The following SGCZ variants were observed in gnomAD, a reference collection of about 807,000 sequenced individuals.
SGCZ encodes sarcoglycan zeta, also known as zeta-sarcoglycan.
A neutral mutation model predicts 41.3 loss-of-function variants in SGCZ; 40 were observed. The ratio of observed to expected loss-of-function variants is 0.97; its 90% CI spans 0.75 to 1.26. The LOEUF is 1.26. SGCZ is among the 50% of genes most tolerant of loss of function. The pLI, the probability that SGCZ is intolerant of heterozygous loss-of-function variation, is 0.00. For missense variants in SGCZ, 552 were observed against 369.8 expected, an observed-to-expected ratio of 1.49 and a Z score of -4.04; for synonymous variants, 206 against 137.5, an observed-to-expected ratio of 1.50 and a Z score of -3.49.
intron 3 of SGCZ, among the ~76,000 whole-genome samples, chr8:14,263,558 G>T (rs1001408410): frequency 1.3e-5 from 2 of 151,828 alleles, no homozygotes; most frequent in Admixed American, 6.6e-5. Flanking sequence ...CAAAAAATAC[G>T]TATATAACTA....
chr8:15,025,509 C>T (rs1803422394), intron 1 of SGCZ, among the ~76,000 whole-genome samples: 1 of 152,148 alleles, frequency 6.6e-6, no homozygotes, highest in Non-Finnish European at 1.5e-5. Context: ...AAAGAGAGTG[C>T]TAAAAAACCA....
intron 1 of SGCZ, among the ~76,000 whole-genome samples, chr8:15,004,352 A>C (rs1435337431): frequency 6.6e-6 from 1 of 152,162 alleles, no homozygotes; most frequent in East Asian, 1.9e-4. Flanking sequence ...ATAGTAAGGG[A>C]TGATCCCGCA....
rs139886350 is a variant in SGCZ, at chr8:14,700,176, T to C, written c.40-145250A>G. On this transcript the variant is annotated intron_variant, in intron 1 of 7. Coordinates refer to ENST00000382080, the MANE Select transcript of SGCZ (RefSeq NM_139167.4). ...CACTAGAACGCTCGCTGCAGCAAAA[T>C]TGACAATAATAAAGACATGAAATCA... is the stretch of plus-strand genomic sequence containing the variant. 1.9e-4 allele frequency among the ~76,000 whole-genome samples: 29 copies of C among 151,838 alleles called. No individual in the cohort carries two copies. The East Asian group carries it at 3.1e-3, about 16-fold the overall frequency.
chr8:15,101,464 T>G (rs948829619), intron 1 of SGCZ, among the ~76,000 whole-genome samples: 3 of 152,116 alleles, frequency 2.0e-5, no homozygotes, highest in Non-Finnish European at 2.9e-5. Context: ...AAGACACAGA[T>G]GGCAAATAAG....
At chr8:14,995,858 T>C (rs1244137241) in intron 1 of SGCZ, among the ~76,000 whole-genome samples, 1 of 152,160 alleles carries the variant, frequency 6.6e-6, no homozygotes, top group African/African-American at 2.4e-5. Context: ...TGTAATCCTA[T>C]GCTTTTATGG....
chr8:14,335,618 G>A (rs1297531471), intron 2 of SGCZ, among the ~76,000 whole-genome samples: 1 of 152,086 alleles, frequency 6.6e-6, no homozygotes, highest in Admixed American at 6.6e-5. Context: ...TGCCACAGGG[G>A]AATGGCATAT....
intron 3 of SGCZ, among the ~76,000 whole-genome samples, chr8:14,299,966 TA>T (rs567360144): frequency 9.3e-4 from 141 of 152,092 alleles, no homozygotes; most frequent in Non-Finnish European, 1.7e-3. Context: ...TTTCCTAAGA[TA>T]AAAAATGCAA....
chr8:14,763,540 A>G (rs369491490), intron 1 of SGCZ, among the ~76,000 whole-genome samples: 1 of 152,104 alleles, frequency 6.6e-6, no homozygotes, highest in African/African-American at 2.4e-5. Context: ...ACACTTTATT[A>G]TCGAAAGTGT....
At chr8:15,098,448 A>T (rs1354219676) in intron 1 of SGCZ, among the ~76,000 whole-genome samples, 1 of 152,184 alleles carries the variant, frequency 6.6e-6, no homozygotes, top group East Asian at 1.9e-4. Context: ...CAGCTAGAAA[A>T]GGTGGCAAAG....
At position 14,115,036 on chromosome 8, in the gene SGCZ, C is replaced by T. The variant is rs539916581; in HGVS notation, c.548-6801G>A. Among the ~76,000 whole-genome samples the T allele has an allele frequency of 1.4e-4, 21 of 151,976 alleles. No homozygotes were observed. In the South Asian group the frequency reaches 3.7e-3, roughly 27 times the overall value. The stretch of plus-strand genomic sequence containing the variant: ...TACATAAATAATCCATTTTCTAATT[C>T]CTACCTCCAAAAAAAATGAAAAAAT... On this transcript the variant is annotated intron_variant, in intron 5 of 7. Coordinates refer to ENST00000382080, the MANE Select transcript of SGCZ (RefSeq NM_139167.4).
At chr8:14,648,360 G>A (rs908921067) in intron 1 of SGCZ, among the ~76,000 whole-genome samples, 7 of 152,064 alleles carry the variant, frequency 4.6e-5, no homozygotes, top group South Asian at 2.1e-4. Flanking sequence ...AAGAAAATTC[G>A]TACTCACACA....
chr8:14,759,726 T>G (rs1799801260), intron 1 of SGCZ, among the ~76,000 whole-genome samples: 1 of 152,120 alleles, frequency 6.6e-6, no homozygotes, highest in Non-Finnish European at 1.5e-5. Context: ...AGTTAGCCAG[T>G]TGTGACAGCT....
chr8:15,184,200 A>T (rs1800263754), intron 1 of SGCZ, among the ~76,000 whole-genome samples: 1 of 152,192 alleles, frequency 6.6e-6, no homozygotes, highest in African/African-American at 2.4e-5. Context: ...TCTTCATCAT[A>T]TATACTGTCA....
chr8:15,050,202 G>A (rs1804462764), intron 1 of SGCZ, among the ~76,000 whole-genome samples: 1 of 152,086 alleles, frequency 6.6e-6, no homozygotes. Context: ...GACTCCTGAG[G>A]AATTGATGGT....
intron 1 of SGCZ, among the ~76,000 whole-genome samples, chr8:14,741,852 A>G (rs1473043641): frequency 6.6e-6 from 1 of 152,048 alleles, no homozygotes; most frequent in Non-Finnish European, 1.5e-5. Flanking sequence ...GTAGAACAGT[A>G]TCAATATCAA....
In SGCZ at chr8:14,550,559, T is replaced by A. The variant is rs181057170; in HGVS notation, c.234+4173A>T. 1.2e-4 allele frequency among the ~76,000 whole-genome samples: 18 copies of A among 151,958 alleles called. No homozygotes were observed. In the East Asian group the frequency reaches 3.5e-3, roughly 30 times the overall value. ...GGCTGTACTACTGCTATGTGTGGGG[T>A]CTAAATGCAGGATCCGCTGGGAATT... is the stretch of plus-strand genomic sequence containing the variant. On this transcript the variant is annotated intron_variant, in intron 2 of 7. Transcript: ENST00000382080.
Position 14,269,709 on chromosome 8 carries a change from T to C in SGCZ, c.337-32030A>G, listed in dbSNP as rs187319786. Among the ~76,000 whole-genome samples, 169 of 152,242 alleles carry C rather than the reference T, an allele frequency of 1.1e-3. 1 individual carries two copies. In the Middle Eastern group the frequency reaches 0.014, roughly 12 times the overall value. On this transcript the variant is annotated intron_variant, in intron 3 of 7. Coordinates refer to ENST00000382080, the MANE Select transcript of SGCZ (RefSeq NM_139167.4). ...AGGACAAAATGCTATGACATGATGCTGTCAACTTCACCATCCCCAGTGAGT... is the reference window on the plus strand; with the variant it reads ...AGGACAAAATGCTATGACATGATGCCGTCAACTTCACCATCCCCAGTGAGT...
At chr8:14,368,611 T>G (rs941489287) in intron 2 of SGCZ, among the ~76,000 whole-genome samples, 15 of 152,002 alleles carry the variant, frequency 9.9e-5, no homozygotes, top group African/African-American at 3.6e-4. Flanking sequence ...GAGCTTTGCA[T>G]TATAAGGCAG....
chr8:14,948,233 T>C (rs1247682775), intron 1 of SGCZ, among the ~76,000 whole-genome samples: 2 of 152,150 alleles, frequency 1.3e-5, no homozygotes, highest in Non-Finnish European at 2.9e-5. Flanking sequence ...CAATATTGCC[T>C]AGTTAGTTGA....
Sources: gnomAD v4.1 joint callset for allele counts (sites outside exome capture counted in the v4.1 genomes callset) on GRCh38, gnomAD v4.1.1 for gene constraint, MANE v1.5 for transcripts, NCBI Gene and HGNC (gene_info 2026-07-23, HGNC 2026-07-21) for gene names.